The following STK32B variants were observed in gnomAD, a reference collection of about 807,000 sequenced individuals.
The protein encoded by STK32B is serine/threonine-protein kinase 32B.
In STK32B, 43 loss-of-function variants were observed where a neutral mutation model predicts 52.6. That is an observed-to-expected ratio of 0.82 (90% CI 0.64 to 1.05). STK32B has a LOEUF of 1.05. Among genes scored for constraint, STK32B ranks in the 50% least tolerant of loss-of-function variants. The pLI, the probability that STK32B is intolerant of heterozygous loss-of-function variation, is 0.00. For missense variants in STK32B, 621 were observed against 534.6 expected, an observed-to-expected ratio of 1.16 and a Z score of -1.59; for synonymous variants, 238 against 204.3, an observed-to-expected ratio of 1.17 and a Z score of -1.41.
upstream of STK32B, among the ~76,000 whole-genome samples, chr4:5,048,542 C>G (rs1468368214): frequency 6.6e-6 from 1 of 152,154 alleles, no homozygotes; most frequent in Non-Finnish European, 1.5e-5. Flanking sequence ...GGTAATCCAC[C>G]CACCTTGGCC....
the STK32B span, among the ~76,000 whole-genome samples, chr4:5,042,769 T>C: frequency 7.9e-5 from 12 of 152,260 alleles, no homozygotes; most frequent in Non-Finnish European, 1.5e-4. Flanking sequence ...ATCCCGTCCC[T>C]GACAAAAAGC....
intron 2 of STK32B, chr4:5,140,176 T>C: frequency 4.0e-6 from 6 of 1,484,370 alleles, no homozygotes; most frequent in Non-Finnish European, 5.5e-6. Flanking sequence ...TTTAGGTGAA[T>C]TACAATGGTA....
rs1299036610 is a variant in STK32B at position 5,378,026 on chromosome 4, T to C, written c.435-20181T>C. On this transcript the variant is annotated intron_variant, in intron 4 of 11. Coordinates refer to ENST00000282908, the MANE Select transcript of STK32B (RefSeq NM_018401.3). The surrounding 1 kb of genome is among the most constrained non-coding windows in gnomAD (Gnocchi z 4.4). ...GATGGATTCTACTCTCGCTTTGTAT[T>C]AAAAAGGGTAGTGGGAATTAGCAAA... 6.6e-6 allele frequency among the ~76,000 whole-genome samples: 1 copy of C among 152,154 alleles called. No homozygotes were observed. The highest frequency in any genetic ancestry group is 1.5e-5 in the Non-Finnish European group (1 of 68,032).
At chr4:5,063,266 A>G (rs552623698) in intron 1 of STK32B, among the ~76,000 whole-genome samples, 1 of 152,278 alleles carries the variant, frequency 6.6e-6, no homozygotes, top group Admixed American at 6.5e-5. Context: ...TAGAAATGTG[A>G]CTCAGTCGAC....
chr4:5,386,117 C>T lies in STK32B; in HGVS notation c.435-12090C>T, dbSNP rs1003611935. 6.6e-6 allele frequency among the ~76,000 whole-genome samples: 1 copy of T among 151,618 alleles called. No homozygotes were observed. The highest frequency in any genetic ancestry group is 1.5e-5 in the Non-Finnish European group (1 of 67,920). ...GAGCTCCACCCACAGGCCCCACCCA[C>T]AGCTCTTGGCCCACAGTTCCTGGCC... On this transcript the variant is annotated intron_variant, in intron 4 of 11. Coordinates refer to ENST00000282908, the MANE Select transcript of STK32B (RefSeq NM_018401.3). The surrounding 1 kb of genome is among the most constrained non-coding windows in gnomAD (Gnocchi z 4.5).
At chr4:5,268,935 G>A (rs562519785) in intron 3 of STK32B, among the ~76,000 whole-genome samples, 4 of 152,178 alleles carry the variant, frequency 2.6e-5, no homozygotes, top group East Asian at 3.9e-4. Flanking sequence ...CTGAGGGATC[G>A]GAAGTAAAAG....
At chr4:5,488,529 TGTA>T (rs1488641671) in intron 11 of STK32B, among the ~76,000 whole-genome samples, 1 of 152,170 alleles carries the variant, frequency 6.6e-6, no homozygotes, top group East Asian at 1.9e-4. Flanking sequence ...ACCTTTTAAT[TGTA>T]GTCAACTTGA....
chr4:5,040,472 C>A, the STK32B span, among the ~76,000 whole-genome samples: 1 of 149,188 alleles, frequency 6.7e-6, no homozygotes. Flanking sequence ...TGGCTCACTG[C>A]AACCTCCGCC....
intron 3 of STK32B, among the ~76,000 whole-genome samples, chr4:5,190,230 A>G (rs763342283): frequency 1.3e-5 from 2 of 152,102 alleles, no homozygotes; most frequent in Non-Finnish European, 2.9e-5. Flanking sequence ...AAAGGAAGTA[A>G]CCTTGTATAT....
At chr4:5,175,942 G>A (rs1024194135) in intron 3 of STK32B, among the ~76,000 whole-genome samples, 1 of 152,378 alleles carries the variant, frequency 6.6e-6, no homozygotes, top group Middle Eastern at 3.4e-3. Context: ...AGCTGTGGTG[G>A]GCTCCACCCA....
At chr4:5,154,361 A>G (rs939569573) in intron 2 of STK32B, among the ~76,000 whole-genome samples, 5 of 152,060 alleles carry the variant, frequency 3.3e-5, no homozygotes, top group South Asian at 4.1e-4. Flanking sequence ...GATTAGAGGC[A>G]TGTGCCACCA....
chr4:5,033,770 T>C, the STK32B span, among the ~76,000 whole-genome samples: 1 of 152,158 alleles, frequency 6.6e-6, no homozygotes, highest in South Asian at 2.1e-4. Context: ...CTTGAAACGC[T>C]GAGGCTGGAA....
At chr4:5,285,394 T>C (rs780381506) in intron 3 of STK32B, among the ~76,000 whole-genome samples, 1 of 152,114 alleles carries the variant, frequency 6.6e-6, no homozygotes, top group African/African-American at 2.4e-5. Context: ...ATACCCAAAA[T>C]CTCAGTTTGA....
At chr4:5,239,993 G>A (rs1724901356) in intron 3 of STK32B, among the ~76,000 whole-genome samples, 1 of 151,818 alleles carries the variant, frequency 6.6e-6, no homozygotes, top group African/African-American at 2.4e-5. Flanking sequence ...AACTGTACCT[G>A]ACTATCATTC....
chr4:5,139,990 C>CT (rs1292235711), intron 2 of STK32B, 30 bp downstream of exon 2: 2 of 1,613,008 alleles, frequency 1.2e-6, no homozygotes, highest in Non-Finnish European at 1.7e-6. Context: ...GACCACTGGG[C>CT]TTAAGTATGT....
intron 3 of STK32B, among the ~76,000 whole-genome samples, chr4:5,327,611 AT>A (rs1731963586): frequency 6.6e-6 from 1 of 151,798 alleles, no homozygotes; most frequent in Admixed American, 6.6e-5. Flanking sequence ...TATTTGGTAA[AT>A]TTTGCTGTAA....
chr4:5,120,726 T>A (rs1474099324), intron 1 of STK32B, among the ~76,000 whole-genome samples: 1 of 152,116 alleles, frequency 6.6e-6, no homozygotes, highest in Non-Finnish European at 1.5e-5. Flanking sequence ...AAATTACAAC[T>A]AAAAGCCTGA....
rs1249896505 is a variant in STK32B at position 5,386,902 on chromosome 4, C to A, written c.435-11305C>A. Reference sequence around the variant, plus strand: ...TGTCCTCAGAAAGCTGGATGAGGAACATGAGGCCGTGGCCTGAGCGTCTTC... The same window carrying A: ...TGTCCTCAGAAAGCTGGATGAGGAAAATGAGGCCGTGGCCTGAGCGTCTTC... On this transcript the variant is annotated intron_variant, in intron 4 of 11. Transcript: ENST00000282908. The surrounding 1 kb of genome is among the most constrained non-coding windows in gnomAD (Gnocchi z 4.5). 6.6e-6 allele frequency among the ~76,000 whole-genome samples: 1 copy of A among 152,180 alleles called. No individual in the cohort carries two copies. The highest frequency in any genetic ancestry group is 1.5e-5 in the Non-Finnish European group (1 of 68,030).
chr4:5,425,599 ACAGT>A (rs80129675), intron 6 of STK32B, among the ~76,000 whole-genome samples: 22,814 of 152,066 alleles, frequency 0.15, 2,352 homozygotes, highest in East Asian at 0.41. Flanking sequence ...TGTGAGGGAG[ACAGT>A]CAGTTTAAAA....
Sources: gnomAD v4.1 joint callset for allele counts (sites outside exome capture counted in the v4.1 genomes callset) on GRCh38, gnomAD v4.1.1 for gene constraint, Gnocchi (gnomAD v3.1) non-coding constraint, MANE v1.5 for transcripts, NCBI Gene and HGNC (gene_info 2026-07-23, HGNC 2026-07-21) for gene names.